Variants in DGKI observed in about 807,000 individuals in gnomAD.
DGKI encodes diacylglycerol kinase iota.
DGKI carries 55 observed loss-of-function variants against 147.5 expected under a neutral mutation model. That is an observed-to-expected ratio of 0.37 (90% CI 0.30 to 0.47). The LOEUF (loss-of-function observed/expected upper bound fraction) is 0.47. Ranked by LOEUF, DGKI falls within the 20% of genes least tolerant of loss-of-function variation. The pLI is 1.00. For synonymous variants in DGKI, 469 were observed against 477.1 expected, an observed-to-expected ratio of 0.98 and a Z score of 0.22; for missense variants, 1,007 against 1,323.8, an observed-to-expected ratio of 0.76 and a Z score of 3.71.
intron 21 of DGKI, among the ~76,000 whole-genome samples, chr7:137,516,592 T>A (rs1433681283): frequency 6.6e-6 from 1 of 152,016 alleles, no homozygotes; most frequent in African/African-American, 2.4e-5. Context: ...AGGAACGAAT[T>A]CTGTTGTTTT....
At chr7:137,822,646 G>GA (rs1797938973) in intron 1 of DGKI, among the ~76,000 whole-genome samples, 1 of 151,886 alleles carries the variant, frequency 6.6e-6, no homozygotes, top group African/African-American at 2.4e-5. Flanking sequence ...TCAGACATTT[G>GA]AACAGCCTCC....
At chr7:137,547,489 T>C (rs1817904824) in intron 20 of DGKI, among the ~76,000 whole-genome samples, 1 of 152,232 alleles carries the variant, frequency 6.6e-6, no homozygotes. Context: ...ATTAAATATG[T>C]ATCTTTCACT....
intron 29 of DGKI, 101 bp downstream of exon 29, chr7:137,412,069 G>T (rs1812182996): frequency 1.7e-6 from 2 of 1,146,570 alleles, no homozygotes; most frequent in African/African-American, 1.5e-5. Flanking sequence ...TGCAAGCAGG[G>T]GATGATAAAT....
chr7:137,518,066 C>T (rs1816841380), intron 21 of DGKI, among the ~76,000 whole-genome samples: 1 of 151,982 alleles, frequency 6.6e-6, no homozygotes, highest in African/African-American at 2.4e-5. Flanking sequence ...GCCTCTATGA[C>T]CTACTTTGAG....
intron 12 of DGKI, among the ~76,000 whole-genome samples, chr7:137,596,620 G>A (rs1585268451): frequency 6.6e-6 from 1 of 152,186 alleles, no homozygotes; most frequent in African/African-American, 2.4e-5. Context: ...CTTCTTTGCT[G>A]TAAGACATTA....
chr7:137,717,281 C>T (rs1377791516), intron 1 of DGKI, among the ~76,000 whole-genome samples: 3 of 152,124 alleles, frequency 2.0e-5, no homozygotes, highest in Non-Finnish European at 2.9e-5. Context: ...AGAAATGGCA[C>T]AGACACGCCT....
At chr7:137,430,299 C>T (rs1813009996) in intron 28 of DGKI, among the ~76,000 whole-genome samples, 1 of 150,804 alleles carries the variant, frequency 6.6e-6, no homozygotes, top group South Asian at 2.1e-4. Flanking sequence ...TAAACTATCA[C>T]AAGGACAAAA....
chr7:137,615,736 A>G (rs1247193596), intron 8 of DGKI, among the ~76,000 whole-genome samples: 1 of 152,142 alleles, frequency 6.6e-6, no homozygotes, highest in African/African-American at 2.4e-5. Flanking sequence ...TATAGTTTTT[A>G]CTGTCATCTA....
intron 19 of DGKI, among the ~76,000 whole-genome samples, chr7:137,561,661 A>G (rs1818423690): frequency 6.6e-6 from 1 of 152,234 alleles, no homozygotes; most frequent in Non-Finnish European, 1.5e-5. Context: ...GTGTTGAAGC[A>G]TCATTATGTA....
At chr7:137,577,183 C>A (rs1353899221) in intron 17 of DGKI, 39 bp downstream of exon 17, 1 of 1,431,050 alleles carries the variant, frequency 7.0e-7, no homozygotes, top group Admixed American at 1.9e-5. Context: ...GCAGTCATAT[C>A]ATATTCAAAT....
At chr7:137,804,913 T>C (rs1797320140) in intron 1 of DGKI, among the ~76,000 whole-genome samples, 1 of 152,244 alleles carries the variant, frequency 6.6e-6, no homozygotes, top group African/African-American at 2.4e-5. Context: ...TCAACTCAAA[T>C]GACTCATTCA....
intron 21 of DGKI, among the ~76,000 whole-genome samples, chr7:137,494,293 C>T (rs543203542): frequency 1.3e-5 from 2 of 152,090 alleles, no homozygotes; most frequent in South Asian, 4.2e-4. Context: ...GTAGAGAGGC[C>T]AACGTTCAAA....
intron 23 of DGKI, among the ~76,000 whole-genome samples, chr7:137,481,050 G>A (rs538834483): frequency 7.3e-5 from 11 of 150,766 alleles, no homozygotes; most frequent in South Asian, 4.2e-4. Context: ...ACTGAGAACC[G>A]TCAGAGTGAC....
intron 6 of DGKI, among the ~76,000 whole-genome samples, chr7:137,624,067 G>GC (rs941234341): frequency 6.6e-6 from 1 of 152,044 alleles, no homozygotes; most frequent in African/African-American, 2.4e-5. Flanking sequence ...ACTTTCATAA[G>GC]CCCCTTGAGA....
At chr7:137,462,555 CT>C (rs1190087536) in intron 27 of DGKI, among the ~76,000 whole-genome samples, 3 of 152,166 alleles carry the variant, frequency 2.0e-5, no homozygotes, top group African/African-American at 4.8e-5. Flanking sequence ...CTTTGTAATA[CT>C]GAAATTGCTT....
At chr7:137,529,913 T>C (rs896064043) in intron 20 of DGKI, among the ~76,000 whole-genome samples, 2 of 152,068 alleles carry the variant, frequency 1.3e-5, no homozygotes, top group Non-Finnish European at 2.9e-5. Context: ...ATACACCCAG[T>C]TAATTTTGTA....
intron 1 of DGKI, among the ~76,000 whole-genome samples, chr7:137,788,033 A>G (rs1375234073): frequency 6.6e-6 from 1 of 152,178 alleles, no homozygotes; most frequent in Non-Finnish European, 1.5e-5. Flanking sequence ...CTAAAAACCT[A>G]TTGAAATAAA....
intron 27 of DGKI, among the ~76,000 whole-genome samples, chr7:137,455,913 T>C (rs1357823456): frequency 6.6e-6 from 1 of 152,158 alleles, no homozygotes; most frequent in East Asian, 1.9e-4. Flanking sequence ...TGCAAGCGAA[T>C]TTTTTTGAAA....
intron 27 of DGKI, among the ~76,000 whole-genome samples, chr7:137,459,470 ATTTTTTTT>A (rs68045398): frequency 2.8e-5 from 3 of 107,468 alleles, no homozygotes; most frequent in South Asian, 3.1e-4. Flanking sequence ...AATTTTTTAA[ATTTTTTTT>A]TTTTTTTTTT....
Sources: allele counts gnomAD v4.1 joint callset (sites outside exome capture counted in the v4.1 genomes callset), GRCh38; gene constraint gnomAD v4.1.1; transcripts MANE v1.5; gene names NCBI Gene and HGNC (gene_info 2026-07-23, HGNC 2026-07-21).